Variants in GSTO2 observed in about 807,000 individuals in gnomAD.
The protein encoded by GSTO2 is glutathione S-transferase omega 2.
GSTO2 carries 23 observed loss-of-function variants against 28.4 expected under a neutral mutation model. That is an observed-to-expected ratio of 0.81 (90% confidence interval 0.58 to 1.15). GSTO2 has a LOEUF of 1.15. Among genes scored for constraint, GSTO2 ranks in the 50% most tolerant of loss-of-function variants. The pLI is 0.00. For synonymous variants in GSTO2, 109 were observed against 111.0 expected (o/e 0.98, Z 0.11); for missense variants, 298 against 297.8 (o/e 1.00, Z 0.00).
chr10:104,272,467 G>C (rs900951272), intron 1 of GSTO2, among the ~76,000 whole-genome samples: 1 of 152,156 alleles, frequency 6.6e-6, no homozygotes, highest in South Asian at 2.1e-4. Flanking sequence ...GTTGCCGCTG[G>C]AGTCAAACTT....
chr10:104,299,484 C>CTTTT lies in GSTO2; in HGVS notation c.*208_*211dup. On this transcript the variant is annotated 3_prime_UTR_variant, in exon 7 of 7. Transcript: ENST00000338595. ...CTGCTGCTACTGCTGCTTTTTTTTC[C>CTTTT]TTTTTTTTTTTGAGGCAAGATCTTG... The CTTTT allele has an allele frequency of 2.1e-6, 1 of 474,422 alleles. No homozygotes were observed. Among genetic ancestry groups the CTTTT allele is most frequent in the Non-Finnish European group, 3.6e-6 (1 of 279,374 alleles). 29.4% of individuals were successfully genotyped at this position (474,422 alleles called of 1,614,324 possible).
At chr10:104,293,525 T>C (rs1423226397) in intron 5 of GSTO2, among the ~76,000 whole-genome samples, 1 of 149,674 alleles carries the variant, frequency 6.7e-6, no homozygotes, top group Admixed American at 6.7e-5. Flanking sequence ...GCCTCCCAAA[T>C]TGCTGTGATT....
At chr10:104,282,536 A>T (rs1347873627) in intron 5 of GSTO2, among the ~76,000 whole-genome samples, 1 of 150,786 alleles carries the variant, frequency 6.6e-6, no homozygotes, top group Non-Finnish European at 1.5e-5. Flanking sequence ...CCTGGACAAC[A>T]CAGTGAAACC....
intron 5 of GSTO2, among the ~76,000 whole-genome samples, chr10:104,287,943 A>G (rs2012542556): frequency 7.4e-6 from 1 of 135,070 alleles, no homozygotes; most frequent in Non-Finnish European, 1.5e-5. Context: ...GCTGGAGTGT[A>G]GTGGTGCTAT....
Position 104,300,519 on chromosome 10 carries a change from A to T in GSTO2, c.*1235A>T, listed in dbSNP as rs992470745. 2 of 152,304 alleles carry T rather than the reference A, an allele frequency of 1.3e-5. No homozygotes were observed. Among genetic ancestry groups the T allele is most frequent in the African/African-American group, 4.8e-5 (2 of 41,454 alleles). The allele number at this position is 152,304 out of a possible 1,614,324, so 9.4% of individuals were successfully genotyped here. ...TCTGTTGTAGGGATGCTTGTCTCTG[A>T]TGTGGCCCCTCTGCCAGCTTCGCCA... On this transcript the variant is annotated 3_prime_UTR_variant, in exon 7 of 7. Coordinates refer to ENST00000338595, the MANE Select transcript of GSTO2 (RefSeq NM_183239.2).
At chr10:104,272,388 A>G (rs899411566) in intron 1 of GSTO2, among the ~76,000 whole-genome samples, 1 of 152,128 alleles carries the variant, frequency 6.6e-6, no homozygotes, top group African/African-American at 2.4e-5. Flanking sequence ...AATATTTAAT[A>G]TATGTAAAAA....
Position 104,290,959 on chromosome 10 carries a change from G to T in GSTO2, c.469-6619G>T, listed in dbSNP as rs539514461. On this transcript the variant is annotated intron_variant, in intron 5 of 6. Transcript: ENST00000338595. Reference sequence around the variant, plus strand: ...GAGTGGATACCCCATTCTCCATGATGTGCTTATTGCATACTGCATGCCTGG... The same window carrying T: ...GAGTGGATACCCCATTCTCCATGATTTGCTTATTGCATACTGCATGCCTGG... Among the ~76,000 whole-genome samples, 5 of 152,272 alleles carry T rather than the reference G, an allele frequency of 3.3e-5. No homozygotes were observed. In the East Asian group the frequency reaches 7.7e-4, roughly 23 times the overall value.
intron 1 of GSTO2, among the ~76,000 whole-genome samples, chr10:104,271,274 T>C (rs192929132): frequency 6.6e-6 from 1 of 152,350 alleles, no homozygotes; most frequent in East Asian, 1.9e-4. Flanking sequence ...AAATAAGTAT[T>C]GTGAGTTGAA....
At chr10:104,276,914 A>G (rs543732587) in intron 3 of GSTO2, among the ~76,000 whole-genome samples, 1 of 152,360 alleles carries the variant, frequency 6.6e-6, no homozygotes, top group South Asian at 2.1e-4. Context: ...ACATTAAATA[A>G]TAATAGTATT....
At chr10:104,293,166 C>T (rs1263853132) in intron 5 of GSTO2, among the ~76,000 whole-genome samples, 1 of 152,164 alleles carries the variant, frequency 6.6e-6, no homozygotes, top group Non-Finnish European at 1.5e-5. Context: ...ATTCAGAGAG[C>T]ATGAAAAGGT....
chr10:104,272,486 C>G (rs989366283), intron 1 of GSTO2, among the ~76,000 whole-genome samples: 2 of 150,352 alleles, frequency 1.3e-5, no homozygotes, highest in Non-Finnish European at 2.9e-5. Flanking sequence ...TTCCAGGGTT[C>G]CTAGTCCTCC....
At chr10:104,283,203 T>C (rs1289357463) in intron 5 of GSTO2, among the ~76,000 whole-genome samples, 4 of 152,238 alleles carry the variant, frequency 2.6e-5, no homozygotes, top group Non-Finnish European at 5.9e-5. Flanking sequence ...AACCAGCCTC[T>C]ATATAGGTAG....
chr10:104,280,608 T>C (rs1328648815), intron 5 of GSTO2, among the ~76,000 whole-genome samples: 1 of 152,198 alleles, frequency 6.6e-6, no homozygotes. Flanking sequence ...GCAGGAATAC[T>C]CTTTGCCAGT....
At chr10:104,280,388 A>G (rs1218257055) in intron 5 of GSTO2, among the ~76,000 whole-genome samples, 1 of 152,150 alleles carries the variant, frequency 6.6e-6, no homozygotes, top group African/African-American at 2.4e-5. Context: ...GAATATAAAG[A>G]AAAAAATGGC....
At chr10:104,278,483 T>A (rs553081938) in intron 4 of GSTO2, among the ~76,000 whole-genome samples, 34 of 152,354 alleles carry the variant, frequency 2.2e-4, no homozygotes, top group Non-Finnish European at 4.1e-4. Flanking sequence ...GTGATGCTTT[T>A]TTATTATTTT....
chr10:104,270,156 G>C (rs1284803132), intron 1 of GSTO2, among the ~76,000 whole-genome samples: 3 of 152,162 alleles, frequency 2.0e-5, no homozygotes, highest in African/African-American at 7.2e-5. Flanking sequence ...TGGGACTACA[G>C]GCGCCCGCCA....
intron 5 of GSTO2, among the ~76,000 whole-genome samples, chr10:104,280,908 G>A (rs1053748140): frequency 2.0e-5 from 3 of 152,172 alleles, no homozygotes; most frequent in Admixed American, 6.5e-5. Flanking sequence ...TATGGATGAC[G>A]AATGGTCATG....
At position 104,274,969 on chromosome 10, in the gene GSTO2, T is replaced by G. The variant is rs2011557543; in HGVS notation, c.34+20T>G. 2.5e-6 allele frequency: 4 copies of G among 1,571,634 alleles called. No homozygotes were observed. In the South Asian group the frequency reaches 3.5e-5, roughly 14 times the overall value. Reference sequence around the variant, plus strand: ...GGAAAGGTGAGTGCTCTCCATGGGGTCCGCGAGCTGGGGGCGCCGCGTGAC... The same window carrying G: ...GGAAAGGTGAGTGCTCTCCATGGGGGCCGCGAGCTGGGGGCGCCGCGTGAC... On this transcript the variant is annotated intron_variant, in intron 2 of 6. Coordinates refer to ENST00000338595, the MANE Select transcript of GSTO2 (RefSeq NM_183239.2).
At position 104,274,839 on chromosome 10, in the gene GSTO2, T is replaced by C. The variant is rs545575955; in HGVS notation, c.-77T>C. 8.4e-6 allele frequency: 13 copies of C among 1,547,162 alleles called. No homozygotes were observed. The South Asian group carries it at 1.4e-4, about 17-fold the overall frequency. On this transcript the variant is annotated 5_prime_UTR_variant, in exon 2 of 7. Coordinates refer to ENST00000338595, the MANE Select transcript of GSTO2 (RefSeq NM_183239.2). The stretch of plus-strand genomic sequence containing the variant: ...GTGCGCGCCAGAGCGCAGCTGTTTC[T>C]GGAGCCTGCGGCAGCGGTGGCGAGC...
Sources: gnomAD v4.1 joint callset for allele counts (sites outside exome capture counted in the v4.1 genomes callset) on GRCh38, gnomAD v4.1.1 for gene constraint, MANE v1.5 for transcripts, NCBI Gene and HGNC (gene_info 2026-07-23, HGNC 2026-07-21) for gene names.